AHCTF1: variants seen among roughly 807,000 people sequenced by gnomAD.
The protein encoded by AHCTF1 is protein ELYS.
AHCTF1 carries 24 observed loss-of-function variants against 248.4 expected under a neutral mutation model. The ratio of observed to expected loss-of-function variants is 0.10; its 90% CI spans 0.07 to 0.14. The LOEUF is 0.14. Ranked by LOEUF, AHCTF1 falls within the 10% of genes least tolerant of loss-of-function variation. The probability of loss-of-function intolerance (pLI) is 1.00; values close to 1 mark genes in which losing one functional copy is unlikely to be tolerated. For synonymous variants in AHCTF1, 786 were observed against 929.8 expected, an observed-to-expected ratio of 0.85 and a Z score of 2.81; for missense variants, 2,206 against 2,636.2, an observed-to-expected ratio of 0.84 and a Z score of 3.57.
Position 246,861,157 on chromosome 1 carries a change from C to T in AHCTF1, c.3874G>A (p.Asp1292Asn), listed in dbSNP as rs749243963. The T allele has an allele frequency of 6.2e-7, 1 of 1,613,808 alleles. No homozygotes were observed. The highest frequency in any genetic ancestry group is 8.5e-7 in the Non-Finnish European group (1 of 1,180,040). The change falls in exon 29 of 36, where the codon GAT becomes AAT. Residue 1292 changes from aspartate (D) to asparagine (N), a missense_variant. Physicochemically the swap from Asp to Asn is conservative, Grantham distance 23. Around this residue, in one of 6 missense-constraint regions of AHCTF1, gnomAD observed 955 missense variants for 1,055.6 expected, o/e 0.90. Coordinates refer to ENST00000648844, the MANE Select transcript of AHCTF1 (RefSeq NM_001323342.2). Reference protein sequence around the residue: ...NSPEKEHQEMDEGSQSLEKLD... With the variant: ...NSPEKEHQEMNEGSQSLEKLD... Reference sequence around the variant, plus strand: ...TTCTCTAAACTTTGTGACCCCTCATCCATTTCTTGATGCTCCTTTTCAGGG... The same window carrying T: ...TTCTCTAAACTTTGTGACCCCTCATTCATTTCTTGATGCTCCTTTTCAGGG...
Position 246,850,448 on chromosome 1 carries a change from G to C in AHCTF1, c.5558C>G (p.Ala1853Gly). ...TTCTTTTTTAGTAGTTTCTTCAACT[G>C]CTGGTTCCAACAGCTGAGATGATTT... The part of the protein sequence containing the change: ...RLKSSQLLEP[A>G]VEETTKKEVK... Residue 1853 changes from alanine (A) to glycine (G), a missense_variant, in exon 33 of 36, where the codon GCA (alanine) becomes GGA (glycine). Physicochemically the swap from Ala to Gly is moderately conservative, Grantham distance 60. This residue lies in a region of AHCTF1 where 29 missense variants were observed against 57.1 expected (regional missense o/e 0.51). Coordinates refer to ENST00000648844, the MANE Select transcript of AHCTF1 (RefSeq NM_001323342.2). The C allele has an allele frequency of 1.3e-6, 2 of 1,591,668 alleles. No individual in the cohort carries two copies. The highest frequency in any genetic ancestry group is 1.7e-6 in the Non-Finnish European group (2 of 1,172,234).
chr1:246,887,856 T>C (rs550082448), intron 19 of AHCTF1, among the ~76,000 whole-genome samples: 1 of 152,328 alleles, frequency 6.6e-6, no homozygotes, highest in South Asian at 2.1e-4. Context: ...CAGAGGTTAA[T>C]GCCATTGATA....
intron 17 of AHCTF1, among the ~76,000 whole-genome samples, chr1:246,889,577 C>A (rs915120950): frequency 1.3e-5 from 2 of 152,174 alleles, no homozygotes; most frequent in African/African-American, 4.8e-5. Context: ...TGCCATGCAT[C>A]AGAATTACAG....
intron 1 of AHCTF1, among the ~76,000 whole-genome samples, chr1:246,926,887 TG>T (rs1249413073): frequency 6.9e-6 from 1 of 145,968 alleles, no homozygotes; most frequent in Non-Finnish European, 1.5e-5. Context: ...CAAACAAAAG[TG>T]TATGGCCGGG....
intron 31 of AHCTF1, among the ~76,000 whole-genome samples, chr1:246,854,119 G>A (rs888905140): frequency 3.3e-5 from 5 of 152,048 alleles, no homozygotes; most frequent in Admixed American, 2.0e-4. Flanking sequence ...CTAACACGGT[G>A]AAACCCTGTC....
In AHCTF1 at chr1:246,855,783, C is replaced by T. The variant is rs751484045; in HGVS notation, c.4301G>A (p.Gly1434Glu). 1 of 1,613,448 alleles carries T rather than the reference C, an allele frequency of 6.2e-7. No individual in the cohort carries two copies. ...GGTGTAGGTTTCAACAGATGTTAAT[C>T]CTTCGTCCAACACTGGTACCTTGGA... ...QKSKVPVLDE[G>E]LTSVETYTPA... is the part of the protein sequence containing the mutation. The change falls in exon 31 of 36, where the codon GGA becomes GAA. Residue 1434 changes from glycine to glutamate, a missense_variant. This residue lies in a region of AHCTF1 where 955 missense variants were observed against 1,055.6 expected (regional missense o/e 0.90). Transcript: ENST00000648844.
chr1:246,843,756 G>T, intron 34 of AHCTF1, 39 bp downstream of exon 34: 1 of 1,268,122 alleles, frequency 7.9e-7, no homozygotes, highest in Non-Finnish European at 1.0e-6. Context: ...AAAAAAGTAT[G>T]TTTTAACAAA....
chr1:246,868,744 T>C (rs915231712), intron 24 of AHCTF1, among the ~76,000 whole-genome samples: 3 of 152,112 alleles, frequency 2.0e-5, no homozygotes, highest in African/African-American at 7.2e-5. Context: ...AAGGCTTACA[T>C]TTCTTGGGTT....
In AHCTF1 at chr1:246,861,948, A is replaced by AT; in HGVS notation, c.3735+10dup. The AT allele has an allele frequency of 6.2e-7, 1 of 1,602,084 alleles. No homozygotes were observed. Reference sequence around the variant, plus strand: ...AAAAATGTCTTTTCTCCCAATTATTATCAAACTTACCCCAGGAATCCATTT... The same window carrying AT: ...AAAAATGTCTTTTCTCCCAATTATTATTCAAACTTACCCCAGGAATCCATTT... On this transcript the variant is annotated intron_variant, in intron 28 of 35. Transcript: ENST00000648844.
intron 24 of AHCTF1, among the ~76,000 whole-genome samples, chr1:246,868,108 A>G (rs2103081761): frequency 6.7e-6 from 1 of 150,152 alleles, no homozygotes; most frequent in Non-Finnish European, 1.5e-5. Context: ...GATTACAGGC[A>G]TGGCCACCAA....
chr1:246,876,637 C>T (rs1290581483), intron 23 of AHCTF1, among the ~76,000 whole-genome samples: 8 of 152,192 alleles, frequency 5.3e-5, no homozygotes, highest in Non-Finnish European at 1.2e-4. Flanking sequence ...CTGGCCTCTA[C>T]GTCTTCCTCT....
chr1:246,850,481 T>C lies in AHCTF1; in HGVS notation c.5525A>G (p.Lys1842Arg). 1 of 1,599,198 alleles carries C rather than the reference T, an allele frequency of 6.3e-7. No homozygotes were observed. The highest frequency in any genetic ancestry group is 8.5e-7 in the Non-Finnish European group (1 of 1,174,122). ...CAACAGCTGAGATGATTTTAATCTTTTTGATTCCCTACCTGTAGTGATCTG... is the reference window on the plus strand; with the variant it reads ...CAACAGCTGAGATGATTTTAATCTTCTTGATTCCCTACCTGTAGTGATCTG... ...ELQITTGRESKRLKSSQLLEP... is the reference protein window; with the variant it reads ...ELQITTGRESRRLKSSQLLEP... The change falls in exon 33 of 36, where the codon AAA becomes AGA. Residue 1842 changes from lysine to arginine, a missense_variant. Lys to Arg is a conservative substitution (Grantham distance 26, BLOSUM62 2). Around this residue, in one of 6 missense-constraint regions of AHCTF1, gnomAD observed 29 missense variants for 57.1 expected, o/e 0.51. Coordinates refer to ENST00000648844, the MANE Select transcript of AHCTF1 (RefSeq NM_001323342.2).
intron 2 of AHCTF1, among the ~76,000 whole-genome samples, chr1:246,917,538 T>C (rs1489035153): frequency 1.3e-5 from 2 of 152,180 alleles, no homozygotes; most frequent in Admixed American, 6.5e-5. Flanking sequence ...CACAGAATAG[T>C]GGCTACTTAG....
chr1:246,894,801 G>T, intron 13 of AHCTF1, 53 bp from the exon 14 acceptor site: 1 of 1,472,778 alleles, frequency 6.8e-7, no homozygotes, highest in Non-Finnish European at 9.4e-7. Flanking sequence ...TACAAACAGA[G>T]TTCTAAATTG....
intron 31 of AHCTF1, 59 bp from the exon 32 acceptor site, chr1:246,853,358 G>A: frequency 2.9e-6 from 4 of 1,401,582 alleles, no homozygotes; most frequent in Non-Finnish European, 3.9e-6. Flanking sequence ...CCACACACAA[G>A]GAAGCAAACA....
At chr1:246,890,167 C>T in intron 16 of AHCTF1, 108 bp from the exon 17 acceptor site, 1 of 741,048 alleles carries the variant, frequency 1.3e-6, no homozygotes, top group Non-Finnish European at 2.2e-6. Context: ...CCCTGGTTAA[C>T]CCACAGGGTG....
rs1160725391 is a variant in AHCTF1, at chr1:246,890,896, C to T, written c.2050+60G>A. Reference sequence around the variant, plus strand: ...AACCCAAAGCATTAGAATACAATAACAAAATTATAAAGATTCAGAATGTTT... The same window carrying T: ...AACCCAAAGCATTAGAATACAATAATAAAATTATAAAGATTCAGAATGTTT... On this transcript the variant is annotated intron_variant, in intron 16 of 35. Transcript: ENST00000648844. 4 of 1,146,280 alleles carry T rather than the reference C, an allele frequency of 3.5e-6. No homozygotes were observed. In the Admixed American group the frequency reaches 9.4e-5, roughly 27 times the overall value. 71.0% of individuals were successfully genotyped at this position (1,146,280 alleles called of 1,614,324 possible).
intron 11 of AHCTF1, among the ~76,000 whole-genome samples, 155 bp from the exon 12 acceptor site, chr1:246,898,491 GT>G (rs1664760796): frequency 6.6e-6 from 1 of 152,150 alleles, no homozygotes; most frequent in Non-Finnish European, 1.5e-5. Flanking sequence ...GAGTTTATAG[GT>G]TCTTAAGCTT....
chr1:246,888,707 C>A (rs775419828), intron 17 of AHCTF1, among the ~76,000 whole-genome samples, 190 bp from the exon 18 acceptor site: 1 of 151,764 alleles, frequency 6.6e-6, no homozygotes, highest in African/African-American at 2.4e-5. Flanking sequence ...GTCAGGAGTT[C>A]GAGACCAGCC....
Sources: allele counts gnomAD v4.1 joint callset (sites outside exome capture counted in the v4.1 genomes callset), GRCh38; gene constraint gnomAD v4.1.1; regional missense constraint gnomAD v4.1.1; transcripts MANE v1.5; gene names NCBI Gene and HGNC (gene_info 2026-07-23, HGNC 2026-07-21).